The following GAREM2 variants were observed in gnomAD, a reference collection of about 807,000 sequenced individuals.
GAREM2 encodes GRB2 associated regulator of MAPK1 subtype 2.
GAREM2 carries 30 observed loss-of-function variants against 55.6 expected under a neutral mutation model. The observed-to-expected ratio is 0.54, with a 90% CI of 0.40 to 0.73. The LOEUF is 0.73. Ranked by LOEUF, GAREM2 falls within the 30% of genes least tolerant of loss-of-function variation. The pLI is 0.00. For missense variants in GAREM2, 1,075 were observed against 1,257.7 expected, an observed-to-expected ratio of 0.85 and a Z score of 2.20; for synonymous variants, 550 against 569.1, an observed-to-expected ratio of 0.97 and a Z score of 0.48.
intron 1 of GAREM2, among the ~76,000 whole-genome samples, chr2:26,174,694 T>C (rs1668803572): frequency 6.6e-6 from 1 of 152,246 alleles, no homozygotes; most frequent in Non-Finnish European, 1.5e-5. Context: ...TGTGTGGCTA[T>C]GGCTGGGTCA....
intron 1 of GAREM2, among the ~76,000 whole-genome samples, chr2:26,175,972 A>G (rs1668851813): frequency 6.6e-6 from 1 of 152,114 alleles, no homozygotes; most frequent in Non-Finnish European, 1.5e-5. Flanking sequence ...AAACTTGCCT[A>G]GTCTCTGGTA....
Position 26,178,500 on chromosome 2 carries a change from G to C in GAREM2, c.253+2016G>C, listed in dbSNP as rs544638697. On this transcript the variant is annotated intron_variant, in intron 2 of 5. Coordinates refer to ENST00000401533, the MANE Select transcript of GAREM2 (RefSeq NM_001168241.2). ...GGGGATACTGAAGCCAGGTGGGGGG[G>C]ATCCCTTTAGTCCAGGAGGTTGAGC... is the stretch of plus-strand genomic sequence containing the variant. Among the ~76,000 whole-genome samples, 29 of 152,154 alleles carry C rather than the reference G, an allele frequency of 1.9e-4. 1 individual carries two copies. In the South Asian group the frequency reaches 5.6e-3, roughly 29 times the overall value.
chr2:26,197,852 G>A, the GAREM2 span: 2 of 803,278 alleles, frequency 2.5e-6, no homozygotes, highest in Non-Finnish European at 4.5e-6. Flanking sequence ...AAGCTAATGA[G>A]TGACACCTGG....
the GAREM2 span, among the ~76,000 whole-genome samples, chr2:26,199,548 G>T: frequency 1.3e-5 from 2 of 151,994 alleles, no homozygotes; most frequent in East Asian, 3.9e-4. Flanking sequence ...TCCCTTCCTT[G>T]GACATGTATG....
chr2:26,192,499 T>C (rs183426924), downstream of GAREM2: 305 of 890,812 alleles, frequency 3.4e-4, 1 homozygote, highest in East Asian at 7.2e-3. Context: ...CTCAGAACCC[T>C]GGCCTGGCCA....
chr2:26,192,077 T>C (rs1401863253), downstream of GAREM2, among the ~76,000 whole-genome samples: 2 of 152,166 alleles, frequency 1.3e-5, no homozygotes, highest in Non-Finnish European at 2.9e-5. Flanking sequence ...TGCGAGGGCC[T>C]TCCACTTGGA....
chr2:26,192,721 T>C (rs953664088), downstream of GAREM2, among the ~76,000 whole-genome samples: 3 of 151,966 alleles, frequency 2.0e-5, no homozygotes, highest in African/African-American at 7.3e-5. Context: ...GGCAACAGTG[T>C]GAGACTCTGT....
rs1456498170 is a variant in GAREM2, at chr2:26,189,328, C to T, written c.*1071C>T. The T allele has an allele frequency of 6.6e-6, 1 of 152,216 alleles. No individual in the cohort carries two copies. The highest frequency in any genetic ancestry group is 1.5e-5 in the Non-Finnish European group (1 of 68,064). The allele number at this position is 152,216 out of a possible 1,614,324, so 9.4% of individuals were successfully genotyped here. A position where few individuals can be genotyped will look rare whatever the true frequency, so the allele number is the denominator to read the frequency against. Reference sequence around the variant, plus strand: ...GGGGATCTGCTTGGTACCCAGAGCTCTGGTCATTGTGTCCAACCACACACC... The same window carrying T: ...GGGGATCTGCTTGGTACCCAGAGCTTTGGTCATTGTGTCCAACCACACACC... On this transcript the variant is annotated 3_prime_UTR_variant, in exon 6 of 6. Coordinates refer to ENST00000401533, the MANE Select transcript of GAREM2 (RefSeq NM_001168241.2).
chr2:26,184,741 C>T lies in GAREM2; in HGVS notation c.893C>T (p.Thr298Met), dbSNP rs1159784683. 6.6e-7 allele frequency: 1 copy of T among 1,516,080 alleles called. No homozygotes were observed. Among genetic ancestry groups the T allele is most frequent in the South Asian group, 1.2e-5 (1 of 81,762 alleles). 93.9% of individuals were successfully genotyped at this position (1,516,080 alleles called of 1,614,324 possible). A position where few individuals can be genotyped will look rare whatever the true frequency, so the allele number is the denominator to read the frequency against. Residue 298 changes from threonine to methionine, a missense_variant, in exon 4 of 6, where the codon ACG becomes ATG. Transcript: ENST00000401533. ...AAGCTGGTTAGCATCATCTCCAAGA[C>T]GGTGGTGCTGGGGCTGGCGCTGCGC... ...CYKLVSIISK[T>M]VVLGLALRRE...
chr2:26,204,099 T>C, the GAREM2 span: 1 of 1,613,966 alleles, frequency 6.2e-7, no homozygotes, highest in Non-Finnish European at 8.5e-7. Flanking sequence ...TCTAGCGCAG[T>C]GAGGGTGGCA....
downstream of GAREM2, chr2:26,191,322 A>T (rs142120825): frequency 1.2e-6 from 2 of 1,613,900 alleles, no homozygotes; most frequent in African/African-American, 2.7e-5. Context: ...ACTGTTTTCC[A>T]TAGGCAGCTT....
the GAREM2 span, chr2:26,194,680 G>C: frequency 7.8e-7 from 1 of 1,275,912 alleles, no homozygotes; most frequent in Non-Finnish European, 1.1e-6. Context: ...CCTGCTGCTG[G>C]GACTGAGTCT....
At chr2:26,193,938 T>C (rs188167993), downstream of GAREM2, among the ~76,000 whole-genome samples, 100 of 152,310 alleles carry the variant, frequency 6.6e-4, no homozygotes, top group African/African-American at 2.3e-3. Context: ...ACAAAGAAGT[T>C]TGGGGCCACA....
At chr2:26,199,173 G>C in the GAREM2 span, 1 of 152,246 alleles carries the variant, frequency 6.6e-6, no homozygotes, top group African/African-American at 2.4e-5. Flanking sequence ...TGGGATTACA[G>C]GTGTGAGCCA....
In GAREM2 at chr2:26,187,667, C is replaced by A; in HGVS notation, c.2035C>A (p.Pro679Thr). 2 of 1,508,076 alleles carry A rather than the reference C, an allele frequency of 1.3e-6. No homozygotes were observed. Among genetic ancestry groups the A allele is most frequent in the Non-Finnish European group, 8.9e-7 (1 of 1,120,782 alleles). The allele number at this position is 1,508,076 out of a possible 1,614,324, so 93.4% of individuals were successfully genotyped here. The part of the protein sequence containing the change: ...ASPGQAYSAA[P>T]PSSCAPSSSS... ...GCCAGGCCAGGCCTATTCAGCTGCT[C>A]CCCCCTCCTCCTGCGCCCCCTCCTC... The change falls in exon 6 of 6, where the codon CCC becomes ACC. Residue 679 changes from proline (P) to threonine (T), a missense_variant. By Grantham distance (38) the Pro-to-Thr change is conservative (BLOSUM62 -1). This residue lies in a region of GAREM2 where 515 missense variants were observed against 501.5 expected (regional missense o/e 1.03). Transcript: ENST00000401533.
At chr2:26,177,599 C>T (rs7601538) in intron 2 of GAREM2, among the ~76,000 whole-genome samples, 19,033 of 152,086 alleles carry the variant, frequency 0.13, 2,753 homozygotes, top group East Asian at 0.76. Flanking sequence ...CTGCCTCAGT[C>T]TCCCAGAGTG....
chr2:26,196,022 T>C, the GAREM2 span, among the ~76,000 whole-genome samples: 1 of 152,260 alleles, frequency 6.6e-6, no homozygotes, highest in Non-Finnish European at 1.5e-5. Flanking sequence ...TCACTTTAGC[T>C]ATAAGGTACA....
In GAREM2 at chr2:26,185,154, C is replaced by A. The variant is rs1156677834; in HGVS notation, c.1306C>A (p.Gln436Lys). 6.7e-7 allele frequency: 1 copy of A among 1,503,540 alleles called. No homozygotes were observed. Among genetic ancestry groups the A allele is most frequent in the Admixed American group, 2.1e-5 (1 of 47,952 alleles). 93.1% of individuals were successfully genotyped at this position (1,503,540 alleles called of 1,614,324 possible). A position where few individuals can be genotyped will look rare whatever the true frequency, so the allele number is the denominator to read the frequency against. Residue 436 changes from glutamine (Q) to lysine (K), a missense_variant, in exon 4 of 6, where the codon CAG becomes AAG. Physicochemically the swap from Gln to Lys is moderately conservative, Grantham distance 53. Coordinates refer to ENST00000401533, the MANE Select transcript of GAREM2 (RefSeq NM_001168241.2). The stretch of plus-strand genomic sequence containing the variant: ...CCCCTACGAGGAGTTGTGGGCGCAC[C>A]AGGGGCCCGAGGGCCTCGTCCGGCC... ...EIPYEELWAH[Q>K]GPEGLVRPPP...
chr2:26,195,147 C>G, the GAREM2 span: 1 of 1,612,682 alleles, frequency 6.2e-7, no homozygotes, highest in South Asian at 1.1e-5. Flanking sequence ...AGCTGAAGCA[C>G]TGGTGTCTTT....
Sources: gnomAD v4.1 joint callset for allele counts (sites outside exome capture counted in the v4.1 genomes callset) on GRCh38, gnomAD v4.1.1 for gene constraint, gnomAD v4.1.1 regional missense constraint, MANE v1.5 for transcripts, NCBI Gene and HGNC (gene_info 2026-07-23, HGNC 2026-07-21) for gene names.